The following ADD3 variants were observed in gnomAD, a reference collection of about 807,000 sequenced individuals.
ADD3 encodes gamma-adducin.
Under a neutral mutation model 80.2 loss-of-function variants are expected in ADD3, and 25 were observed. The ratio of observed to expected loss-of-function variants is 0.31; its 90% CI spans 0.23 to 0.44. ADD3 has a LOEUF of 0.44. ADD3 is among the 20% of genes least tolerant of loss of function. The pLI, the probability that ADD3 is intolerant of heterozygous loss-of-function variation, is 1.00. For synonymous variants in ADD3, 284 were observed against 289.6 expected (o/e 0.98, Z 0.20); for missense variants, 829 against 847.5 (o/e 0.98, Z 0.27).
intron 1 of ADD3, among the ~76,000 whole-genome samples, chr10:110,015,328 T>G (rs1324322425): frequency 6.6e-6 from 1 of 152,146 alleles, no homozygotes; most frequent in Non-Finnish European, 1.5e-5. Flanking sequence ...TAAAAATACT[T>G]GTTTTTTGAA....
chr10:109,996,918 G>T (rs998067131), intron 1 of ADD3, among the ~76,000 whole-genome samples: 2 of 152,222 alleles, frequency 1.3e-5, no homozygotes, highest in Non-Finnish European at 2.9e-5. Context: ...ACTTTAGTGA[G>T]AATTTAGGTT....
chr10:110,031,019 T>TAC (rs1564863691), intron 1 of ADD3, among the ~76,000 whole-genome samples: 1 of 152,056 alleles, frequency 6.6e-6, no homozygotes, highest in Admixed American at 6.5e-5. Flanking sequence ...CTCACGCCTG[T>TAC]AATCCCAGCA....
intron 12 of ADD3, among the ~76,000 whole-genome samples, chr10:110,129,227 G>A (rs1196174283): frequency 6.6e-6 from 1 of 151,222 alleles, no homozygotes; most frequent in African/African-American, 2.4e-5. Context: ...TCAGCTCACG[G>A]CAACCTCCGC....
At chr10:110,040,756 C>T (rs1166256310) in intron 1 of ADD3, among the ~76,000 whole-genome samples, 1 of 152,022 alleles carries the variant, frequency 6.6e-6, no homozygotes, top group Non-Finnish European at 1.5e-5. Flanking sequence ...GAGAGAGTGC[C>T]TGAACTAAAT....
chr10:110,133,697 T>C lies in ADD3; in HGVS notation c.*79T>C, dbSNP rs1853362955. The C allele has an allele frequency of 1.6e-6, 2 of 1,214,576 alleles. No homozygotes were observed. The highest frequency in any genetic ancestry group is 2.2e-6 in the Non-Finnish European group (2 of 900,644). The allele number at this position is 1,214,576 out of a possible 1,614,324, so 75.2% of individuals were successfully genotyped here. The stretch of plus-strand genomic sequence containing the variant: ...ACCACATTTAAGTTGATCATTAATA[T>C]GCAATGGTAGATCAGATTGGGGGAT... On this transcript the variant is annotated 3_prime_UTR_variant, in exon 15 of 15. Transcript: ENST00000356080.
chr10:110,063,017 AATT>A (rs1294191167), intron 1 of ADD3, among the ~76,000 whole-genome samples: 1 of 152,072 alleles, frequency 6.6e-6, no homozygotes, highest in African/African-American at 2.4e-5. Context: ...AATAATTCTT[AATT>A]ATTTGTTGTG....
intron 8 of ADD3, among the ~76,000 whole-genome samples, chr10:110,120,900 A>G (rs1395556566): frequency 1.3e-5 from 2 of 152,128 alleles, no homozygotes; most frequent in Non-Finnish European, 2.9e-5. Context: ...GCAATGGGGA[A>G]AGGATTCCCT....
At chr10:110,043,227 A>G (rs1030330872) in intron 1 of ADD3, among the ~76,000 whole-genome samples, 4 of 152,264 alleles carry the variant, frequency 2.6e-5, no homozygotes, top group African/African-American at 7.2e-5. Context: ...TCTCTTCCAA[A>G]TGAGTATTTC....
intron 10 of ADD3, among the ~76,000 whole-genome samples, chr10:110,124,814 G>A (rs2134177330): frequency 6.6e-6 from 1 of 152,276 alleles, no homozygotes; most frequent in African/African-American, 2.4e-5. Context: ...GTTTTGGAGT[G>A]CATACCACCA....
At chr10:110,018,427 C>G (rs1302406360) in intron 1 of ADD3, among the ~76,000 whole-genome samples, 1 of 147,384 alleles carries the variant, frequency 6.8e-6, no homozygotes, top group Non-Finnish European at 1.5e-5. Context: ...ACTTGGGAGG[C>G]TGAGGTAGGG....
chr10:110,036,199 CTCTTT>C (rs1425325363), intron 1 of ADD3, among the ~76,000 whole-genome samples: 1 of 151,884 alleles, frequency 6.6e-6, no homozygotes, highest in African/African-American at 2.4e-5. Context: ...GTCCTGGAAG[CTCTTT>C]TCTTATTAGC....
chr10:110,007,365 A>G (rs1851723734), upstream of ADD3, among the ~76,000 whole-genome samples: 1 of 152,218 alleles, frequency 6.6e-6, no homozygotes, highest in South Asian at 2.1e-4. Flanking sequence ...AGCAAAGTCC[A>G]GGCCCCACGG....
intron 1 of ADD3, among the ~76,000 whole-genome samples, chr10:110,068,205 T>C (rs1844217539): frequency 6.6e-6 from 1 of 152,142 alleles, no homozygotes; most frequent in African/African-American, 2.4e-5. Context: ...CTCCTCCTTT[T>C]CCCGCTTCCA....
intron 1 of ADD3, among the ~76,000 whole-genome samples, chr10:110,052,924 A>G (rs1857689498): frequency 6.6e-6 from 1 of 152,198 alleles, no homozygotes; most frequent in Admixed American, 6.5e-5. Context: ...ATAAATATAT[A>G]GTATGTTCTA....
chr10:110,056,971 C>G (rs920140831), intron 1 of ADD3, among the ~76,000 whole-genome samples: 2 of 152,124 alleles, frequency 1.3e-5, no homozygotes, highest in African/African-American at 4.8e-5. Context: ...TTTCTAGACC[C>G]ATGTCTTTAT....
At chr10:110,113,239 C>A (rs559619047) in intron 3 of ADD3, among the ~76,000 whole-genome samples, 1 of 152,078 alleles carries the variant, frequency 6.6e-6, no homozygotes, top group African/African-American at 2.4e-5. Flanking sequence ...AAAGTGAAAA[C>A]CTTGTCTCTA....
Position 110,130,454 on chromosome 10 carries a change from G to C in ADD3, c.1700G>C (p.Arg567Thr). The C allele has an allele frequency of 6.2e-7, 1 of 1,613,842 alleles. No homozygotes were observed. The highest frequency in any genetic ancestry group is 1.7e-4 in the Middle Eastern group (1 of 6,060). The change falls in exon 13 of 15, where the codon AGG becomes ACG. Residue 567 changes from arginine to threonine, a missense_variant. Arg to Thr is a moderately conservative substitution (Grantham distance 71, BLOSUM62 -1). Coordinates refer to ENST00000356080, the MANE Select transcript of ADD3 (RefSeq NM_016824.5). ...GAAGGAGAACTTGAAGAGTATAAGA[G>C]GACAATCGAACGTAAACAACAAGGC... is the stretch of plus-strand genomic sequence containing the variant. ...LTEGELEEYK[R>T]TIERKQQGLE...
At chr10:110,111,637 C>T (rs1417280610) in intron 2 of ADD3, among the ~76,000 whole-genome samples, 3 of 152,174 alleles carry the variant, frequency 2.0e-5, no homozygotes, top group East Asian at 1.9e-4. Flanking sequence ...GTCATTTAGC[C>T]GGGCGCGGTG....
In ADD3 at chr10:110,092,333, A is replaced by G. The variant is rs72828287; in HGVS notation, c.-29-8292A>G. ...AATCAATCACCTAGATGTCCATAACAGTGGTCTGAATGAAGAAAATTTGGT... is the reference window on the plus strand; with the variant it reads ...AATCAATCACCTAGATGTCCATAACGGTGGTCTGAATGAAGAAAATTTGGT... On this transcript the variant is annotated intron_variant, in intron 1 of 14. Coordinates refer to ENST00000356080, the MANE Select transcript of ADD3 (RefSeq NM_016824.5). Among the ~76,000 whole-genome samples the G allele has an allele frequency of 3.1e-3, 471 of 152,330 alleles. 2 individuals carry two copies. The highest frequency in any genetic ancestry group is 4.0e-3 in the Non-Finnish European group (272 of 68,030).
Sources: allele counts gnomAD v4.1 joint callset (sites outside exome capture counted in the v4.1 genomes callset), GRCh38; gene constraint gnomAD v4.1.1; transcripts MANE v1.5; gene names NCBI Gene and HGNC (gene_info 2026-07-23, HGNC 2026-07-21).